DGLUCY: variants seen among roughly 807,000 people sequenced by gnomAD.
The protein encoded by DGLUCY is D-glutamate cyclase, also known as D-glutamate cyclase, mitochondrial.
Under a neutral mutation model 58.5 loss-of-function variants are expected in DGLUCY, and 58 were observed. The observed-to-expected ratio is 0.99, with a 90% CI of 0.80 to 1.23. The LOEUF (loss-of-function observed/expected upper bound fraction) is 1.23. Ranked by LOEUF, DGLUCY falls within the 50% of genes most tolerant of loss-of-function variation. DGLUCY has a pLI of 0.00. For synonymous variants in DGLUCY, 325 were observed against 314.1 expected (o/e 1.03, Z -0.37); for missense variants, 779 against 784.7 (o/e 0.99, Z 0.09).
chr14:91,193,657 A>T (rs2050035307), intron 9 of DGLUCY, among the ~76,000 whole-genome samples: 1 of 152,110 alleles, frequency 6.6e-6, no homozygotes, highest in African/African-American at 2.4e-5. Flanking sequence ...CCTGGCCAAC[A>T]TGGTGAAACC....
chr14:91,074,159 A>AC (rs1555388284), intron 1 of DGLUCY, among the ~76,000 whole-genome samples: 1 of 146,868 alleles, frequency 6.8e-6, no homozygotes, highest in African/African-American at 2.5e-5. Context: ...ACACACACAC[A>AC]CAGTCAAGCA....
At chr14:91,217,599 C>G (rs924970980) in intron 13 of DGLUCY, among the ~76,000 whole-genome samples, 5 of 150,408 alleles carry the variant, frequency 3.3e-5, no homozygotes, top group African/African-American at 1.2e-4. Context: ...ACTCTCCTGC[C>G]TTAGCCTCTC....
At chr14:91,120,119 C>G (rs2045259020) in intron 1 of DGLUCY, among the ~76,000 whole-genome samples, 1 of 152,138 alleles carries the variant, frequency 6.6e-6, no homozygotes, top group Admixed American at 6.6e-5. Context: ...AACTCCTCGT[C>G]ATGTTAGTCC....
chr14:91,217,882 C>T (rs918775863), intron 13 of DGLUCY, among the ~76,000 whole-genome samples: 3 of 152,118 alleles, frequency 2.0e-5, no homozygotes, highest in Non-Finnish European at 2.9e-5. Context: ...TGTCTTTCTC[C>T]TTCCTGCCCC....
Position 91,062,594 on chromosome 14 carries a change from TATATATATATATATATAA to T in DGLUCY, c.-82+1892_-82+1909del, listed in dbSNP as rs1283195138. 7.8e-3 allele frequency among the ~76,000 whole-genome samples: 213 copies of T among 27,230 alleles called. 13 individuals carry two copies. The highest frequency in any genetic ancestry group is 0.019 in the African/African-American group (119 of 6,198). The allele number at this position is 27,230 out of a possible 152,430, so 17.9% of individuals were successfully genotyped here. A position where few individuals can be genotyped will look rare whatever the true frequency, so the allele number is the denominator to read the frequency against. On this transcript the variant is annotated intron_variant, in intron 1 of 4. Coordinates refer to the DGLUCY transcript ENST00000521334. ...ATATATATATATATATATATATATA[TATATATATATATATATAA>T]ACAATCCTTAGCTCAAGGGCAGTTA...
chr14:91,136,095 C>A (rs918234888), intron 1 of DGLUCY, among the ~76,000 whole-genome samples: 1 of 151,648 alleles, frequency 6.6e-6, no homozygotes, highest in East Asian at 2.0e-4. Context: ...CCACTATGCC[C>A]GGCTAATTTT....
chr14:91,150,094 C>T (rs1394261945), intron 1 of DGLUCY, among the ~76,000 whole-genome samples: 2 of 151,782 alleles, frequency 1.3e-5, no homozygotes, highest in African/African-American at 4.8e-5. Flanking sequence ...TGGTAGGCAC[C>T]GGTAGTCCCA....
At chr14:91,109,623 T>A (rs1407940961), upstream of DGLUCY, among the ~76,000 whole-genome samples, 1 of 152,168 alleles carries the variant, frequency 6.6e-6, no homozygotes, top group East Asian at 1.9e-4. Flanking sequence ...TTCCTCTTCC[T>A]GGCTCCCAGA....
rs532175837 is a variant in DGLUCY, at chr14:91,132,783, T to G, written c.-82+18500T>G. Among the ~76,000 whole-genome samples the G allele has an allele frequency of 2.7e-3, 409 of 151,722 alleles. 3 individuals carry two copies. Among genetic ancestry groups the G allele is most frequent in the African/African-American group, 9.4e-3 (389 of 41,438 alleles). ...GTGAGCCACTGCGCCCAGCCAGAAC[T>G]TTTTCATCTTCCCAAACTGCAACTC... is the stretch of plus-strand genomic sequence containing the variant. On this transcript the variant is annotated intron_variant, in intron 1 of 13. Transcript: ENST00000256324.
chr14:91,224,220 C>A (rs1277269975), intron 13 of DGLUCY, among the ~76,000 whole-genome samples: 1 of 152,160 alleles, frequency 6.6e-6, no homozygotes, highest in Admixed American at 6.5e-5. Flanking sequence ...AGTGAATCTT[C>A]AGTGTTGGTT....
intron 1 of DGLUCY, among the ~76,000 whole-genome samples, chr14:91,085,956 T>C (rs1205409491): frequency 6.6e-6 from 1 of 152,184 alleles, no homozygotes; most frequent in Non-Finnish European, 1.5e-5. Context: ...GGAACTGGGC[T>C]GCACAACAGG....
At chr14:91,131,839 C>T (rs534299352) in intron 1 of DGLUCY, among the ~76,000 whole-genome samples, 1 of 152,272 alleles carries the variant, frequency 6.6e-6, no homozygotes, top group Non-Finnish European at 1.5e-5. Flanking sequence ...TCTTGTTGCC[C>T]AGGCTGGAGT....
At chr14:91,110,811 G>A (rs747093761), upstream of DGLUCY, among the ~76,000 whole-genome samples, 3 of 150,596 alleles carry the variant, frequency 2.0e-5, no homozygotes, top group Non-Finnish European at 2.9e-5. Context: ...ATTTTTAAGT[G>A]TAAAATTTGG....
intron 4 of DGLUCY, among the ~76,000 whole-genome samples, chr14:91,169,213 T>C (rs1386077350): frequency 2.0e-5 from 3 of 152,094 alleles, no homozygotes; most frequent in Non-Finnish European, 4.4e-5. Flanking sequence ...GTAAAAGAGT[T>C]TGGAGTGGGT....
At chr14:91,191,600 G>A (rs961943523) in intron 9 of DGLUCY, among the ~76,000 whole-genome samples, 4 of 152,040 alleles carry the variant, frequency 2.6e-5, no homozygotes, top group Admixed American at 6.6e-5. Flanking sequence ...CACATGCTTC[G>A]TGGCACCATC....
At chr14:91,196,889 A>G (rs2050253484) in intron 10 of DGLUCY, among the ~76,000 whole-genome samples, 1 of 152,154 alleles carries the variant, frequency 6.6e-6, no homozygotes, top group African/African-American at 2.4e-5. Context: ...TATCTTGTAT[A>G]GTAATGGCAA....
intron 10 of DGLUCY, among the ~76,000 whole-genome samples, chr14:91,198,737 A>T (rs901999057): frequency 3.3e-5 from 5 of 152,182 alleles, no homozygotes; most frequent in African/African-American, 1.2e-4. Context: ...CTGAGCACTG[A>T]GTAGGTTCAG....
At chr14:91,202,058 A>AAATAATAATAATAAT (rs10523866) in intron 11 of DGLUCY, among the ~76,000 whole-genome samples, 7,928 of 142,492 alleles carry the variant, frequency 0.056, 313 homozygotes, top group African/African-American at 0.11. Context: ...TCTGTCTCAA[A>AAATAATAATAATAAT]AATAATAATA....
intron 1 of DGLUCY, among the ~76,000 whole-genome samples, chr14:91,078,939 G>A (rs2140042849): frequency 7.0e-6 from 1 of 142,908 alleles, no homozygotes; most frequent in African/African-American, 2.6e-5. Context: ...AATCTCACTC[G>A]GTCACCCAGG....
Sources: allele counts gnomAD v4.1 joint callset (sites outside exome capture counted in the v4.1 genomes callset), GRCh38; gene constraint gnomAD v4.1.1; transcripts MANE v1.5; gene names NCBI Gene and HGNC (gene_info 2026-07-23, HGNC 2026-07-21).